The following NOD2 variants were observed in gnomAD, a reference collection of about 807,000 sequenced individuals.
The protein encoded by NOD2 is nucleotide-binding oligomerization domain-containing protein 2.
In NOD2, 86 loss-of-function variants were observed where a neutral mutation model predicts 90.9. The ratio of observed to expected loss-of-function variants is 0.95; its 90% CI spans 0.79 to 1.13. NOD2 has a LOEUF of 1.13. Among genes scored for constraint, NOD2 ranks in the 50% most tolerant of loss-of-function variants. NOD2 has a pLI of 0.00. For synonymous variants in NOD2, 581 were observed against 554.6 expected, an observed-to-expected ratio of 1.05 and a Z score of -0.67; for missense variants, 1,238 against 1,283.8, an observed-to-expected ratio of 0.96 and a Z score of 0.55.
At chr16:50,717,724 T>C (rs898507165) in intron 6 of NOD2, among the ~76,000 whole-genome samples, 5 of 152,186 alleles carry the variant, frequency 3.3e-5, no homozygotes, top group African/African-American at 1.2e-4. Context: ...AGGTGCCAAT[T>C]TGTACAAAGG....
At chr16:50,701,351 A>G (rs1963930716) in intron 2 of NOD2, among the ~76,000 whole-genome samples, 1 of 152,182 alleles carries the variant, frequency 6.6e-6, no homozygotes, top group African/African-American at 2.4e-5. Context: ...GGAACATTTT[A>G]GTTTTTGTTT....
intron 3 of NOD2, among the ~76,000 whole-genome samples, chr16:50,709,534 C>A (rs1294567730): frequency 6.6e-6 from 1 of 152,198 alleles, no homozygotes; most frequent in African/African-American, 2.4e-5. Context: ...TCCAAACACA[C>A]CCCGTGCATG....
rs548134370 is a variant in NOD2 at position 50,728,027 on chromosome 16, C to T, written c.2886-1791C>T. 157 of 251,952 alleles carry T rather than the reference C, an allele frequency of 6.2e-4. 1 individual carries two copies. The highest frequency in any genetic ancestry group is 8.7e-4 in the Non-Finnish European group (107 of 122,752). 15.6% of individuals were successfully genotyped at this position (251,952 alleles called of 1,614,324 possible). ...GTCACAATCAGATCAAGAAATGGTT[C>T]GCTGTTGTTGTGTAGAATAAGAGAA... On this transcript the variant is annotated intron_variant, in intron 10 of 11. Transcript: ENST00000647318.
chr16:50,698,753 T>C (rs988365598), intron 1 of NOD2, among the ~76,000 whole-genome samples: 1 of 152,170 alleles, frequency 6.6e-6, no homozygotes, highest in African/African-American at 2.4e-5. Context: ...GTTCAGTGAA[T>C]TCCTGCAGGA....
In NOD2 at chr16:50,711,806, G is replaced by A. The variant is rs1180117238; in HGVS notation, c.1814G>A (p.Cys605Tyr). 5 of 1,614,072 alleles carry A rather than the reference G, an allele frequency of 3.1e-6. No individual in the cohort carries two copies. The highest frequency in any genetic ancestry group is 3.3e-5 in the Admixed American group (2 of 60,014). The change falls in exon 4 of 12, where the codon TGT becomes TAT. Residue 605 changes from cysteine to tyrosine, a missense_variant. This residue lies in a region of NOD2 where 667 missense variants were observed against 688.7 expected (regional missense o/e 0.97). Coordinates refer to ENST00000647318, the MANE Select transcript of NOD2 (RefSeq NM_001370466.1). ...PPALLRHLFN[C>Y]GRPGNSPMAR... ...GCTTTGCTCAGACACCTCTTCAATT[G>A]TGGCAGGCCAGGCAACTCACCAATG... is the stretch of plus-strand genomic sequence containing the variant.
chr16:50,714,606 G>A (rs1202048860), intron 4 of NOD2, among the ~76,000 whole-genome samples: 11 of 128,982 alleles, frequency 8.5e-5, no homozygotes, highest in African/African-American at 3.4e-4. Flanking sequence ...AGTGCACTGT[G>A]TGTGTGTGTG....
chr16:50,711,261 G>T lies in NOD2; in HGVS notation c.1269G>T (p.Gln423His). Reference protein sequence around the residue: ...TEFNLKGFSEQGIELYLRKRH... With the variant: ...TEFNLKGFSEHGIELYLRKRH... ...TCAACCTCAAGGGCTTCTCTGAACA[G>T]GGCATCGAGCTGTACCTGAGGAAGC... The change falls in exon 4 of 12, where the codon CAG becomes CAT. Residue 423 changes from glutamine (Q) to histidine (H), a missense_variant. Physicochemically the swap from Gln to His is conservative, Grantham distance 24. This residue lies in a region of NOD2 where 567 missense variants were observed against 577.3 expected (regional missense o/e 0.98). Transcript: ENST00000647318. The T allele has an allele frequency of 6.2e-7, 1 of 1,613,846 alleles. No individual in the cohort carries two copies. Among genetic ancestry groups the T allele is most frequent in the South Asian group, 1.1e-5 (1 of 91,090 alleles).
At position 50,712,226 on chromosome 16, in the gene NOD2, G is replaced by A; in HGVS notation, c.2234G>A (p.Cys745Tyr). ...LNVGHLKLTF[C>Y]SVGPTECAAL... ...GTTGGGCACCTCAAGTTGACATTTT[G>A]CAGTGTGGGCCCCACTGAGTGTGCT... is the stretch of plus-strand genomic sequence containing the variant. The change falls in exon 4 of 12, where the codon TGC becomes TAC. Residue 745 changes from cysteine (C) to tyrosine (Y), a missense_variant. Cys to Tyr is a radical substitution (Grantham distance 194). Transcript: ENST00000647318. The A allele has an allele frequency of 6.2e-7, 1 of 1,613,904 alleles. No individual in the cohort carries two copies. Among genetic ancestry groups the A allele is most frequent in the Middle Eastern group, 1.6e-4 (1 of 6,062 alleles).
intron 10 of NOD2, among the ~76,000 whole-genome samples, chr16:50,728,673 T>C (rs191443913): frequency 1.3e-5 from 2 of 152,262 alleles, no homozygotes; most frequent in Admixed American, 1.3e-4. Context: ...TGCCTTAGGG[T>C]CAACTTGTAA....
chr16:50,723,374 G>A lies in NOD2; in HGVS notation c.2791G>A (p.Glu931Lys). The A allele has an allele frequency of 1.2e-6, 2 of 1,613,854 alleles. No homozygotes were observed. Among genetic ancestry groups the A allele is most frequent in the Non-Finnish European group, 1.7e-6 (2 of 1,179,800 alleles). The change falls in exon 9 of 12, where the codon GAA (glutamate) becomes AAA (lysine). Residue 931 changes from glutamate to lysine, a missense_variant. Transcript: ENST00000647318. Reference protein sequence around the residue: ...ALMLAKNVMLEELCLEENHLQ... With the variant: ...ALMLAKNVMLKELCLEENHLQ... ...GATGCTGGCAAAGAACGTCATGCTA[G>A]AAGAACTCTGGTGAGTTTGGGGGAT...
chr16:50,722,118 G>T (rs1222971170), intron 7 of NOD2, among the ~76,000 whole-genome samples: 1 of 152,232 alleles, frequency 6.6e-6, no homozygotes, highest in Admixed American at 6.5e-5. Flanking sequence ...TGAGTCAGAG[G>T]AGGATGGCCC....
intron 2 of NOD2, among the ~76,000 whole-genome samples, chr16:50,704,569 TGTCACCC>T (rs1964099486): frequency 1.3e-5 from 2 of 151,632 alleles, no homozygotes; most frequent in South Asian, 4.2e-4. Context: ...TGTCTCACTC[TGTCACCC>T]AGGCTGGAAT....
chr16:50,723,158 A>AAAAAAG, intron 8 of NOD2, 143 bp from the exon 9 acceptor site: 1 of 653,374 alleles, frequency 1.5e-6, no homozygotes, highest in Non-Finnish European at 2.7e-6. Context: ...AAAAAAAGAA[A>AAAAAAG]AAAGAAAGAG....
Position 50,732,062 on chromosome 16 carries a change from C to T in NOD2, c.*243C>T. The T allele has an allele frequency of 1.9e-6, 1 of 532,548 alleles. No individual in the cohort carries two copies. 33.0% of individuals were successfully genotyped at this position (532,548 alleles called of 1,614,324 possible). A position where few individuals can be genotyped will look rare whatever the true frequency, so the allele number is the denominator to read the frequency against. Reference sequence around the variant, plus strand: ...CATTGACTTCTTCCCAAGATTCAATCCCAGGATGTACAAGGACAGCCCCTC... The same window carrying T: ...CATTGACTTCTTCCCAAGATTCAATTCCAGGATGTACAAGGACAGCCCCTC... On this transcript the variant is annotated 3_prime_UTR_variant, in exon 12 of 12. Coordinates refer to ENST00000647318, the MANE Select transcript of NOD2 (RefSeq NM_001370466.1).
chr16:50,732,122 C>T lies in NOD2; in HGVS notation c.*303C>T, dbSNP rs985259134. ...ATGGGACTGGCCTCTGCTGATCCTC[C>T]CAGGCTTCCGTGTGGGTCAGTGGGG... On this transcript the variant is annotated 3_prime_UTR_variant, in exon 12 of 12. Coordinates refer to ENST00000647318, the MANE Select transcript of NOD2 (RefSeq NM_001370466.1). 12 of 439,694 alleles carry T rather than the reference C, an allele frequency of 2.7e-5. No homozygotes were observed. The highest frequency in any genetic ancestry group is 4.7e-5 in the Non-Finnish European group (11 of 234,774). The allele number at this position is 439,694 out of a possible 1,614,324, so 27.2% of individuals were successfully genotyped here.
chr16:50,697,239 C>G (rs911202467), intron 1 of NOD2: 1 of 1,554,850 alleles, frequency 6.4e-7, no homozygotes, highest in African/African-American at 1.4e-5. Context: ...GCCTAATGGG[C>G]TTTGATGGGG....
At chr16:50,696,984 A>C (rs1963676722) in intron 1 of NOD2, among the ~76,000 whole-genome samples, 1 of 152,186 alleles carries the variant, frequency 6.6e-6, no homozygotes, top group South Asian at 2.1e-4. Context: ...AATGTGTCTC[A>C]TGTCCCCAGT....
rs1964283791 is a variant in NOD2, at chr16:50,708,084, T to G, written c.565+124T>G. ...CAGTATAGCCTCCCTATGACTCAATTTCCTTGTTTTAAGGCTAGCACCACC... is the reference window on the plus strand; with the variant it reads ...CAGTATAGCCTCCCTATGACTCAATGTCCTTGTTTTAAGGCTAGCACCACC... On this transcript the variant is annotated intron_variant, in intron 3 of 11. Transcript: ENST00000647318. The G allele has an allele frequency of 4.1e-6, 3 of 740,126 alleles. No homozygotes were observed. The East Asian group carries it at 7.9e-5, about 20-fold the overall frequency. The allele number at this position is 740,126 out of a possible 1,614,324, so 45.8% of individuals were successfully genotyped here.
intron 6 of NOD2, chr16:50,719,718 G>A (rs534691722): frequency 2.6e-5 from 18 of 688,746 alleles, no homozygotes; most frequent in East Asian, 2.2e-4. Context: ...ACAGCGTCCC[G>A]CTGCCCCTTT....
Sources: gnomAD v4.1 joint callset for allele counts (sites outside exome capture counted in the v4.1 genomes callset) on GRCh38, gnomAD v4.1.1 for gene constraint, gnomAD v4.1.1 regional missense constraint, MANE v1.5 for transcripts, NCBI Gene and HGNC (gene_info 2026-07-23, HGNC 2026-07-21) for gene names.